Variants in ADGRB3 observed in about 807,000 individuals in gnomAD.
ADGRB3 encodes brain-specific angiogenesis inhibitor 3.
A neutral mutation model predicts 193.4 loss-of-function variants in ADGRB3; 37 were observed. That is an observed-to-expected ratio of 0.19 (90% CI 0.15 to 0.25). The LOEUF is 0.25. ADGRB3 is among the 10% of genes least tolerant of loss of function. The pLI, the probability that ADGRB3 is intolerant of heterozygous loss-of-function variation, is 1.00. For synonymous variants in ADGRB3, 690 were observed against 644.2 expected (o/e 1.07, Z -1.08); for missense variants, 1,637 against 1,852.9 (o/e 0.88, Z 2.14).
At chr6:68,642,943 G>A (rs1768115141) in intron 3 of ADGRB3, among the ~76,000 whole-genome samples, 1 of 152,100 alleles carries the variant, frequency 6.6e-6, no homozygotes, top group South Asian at 2.1e-4. Context: ...TTTTGCTGAA[G>A]ATAATTCTGG....
intron 17 of ADGRB3, among the ~76,000 whole-genome samples, chr6:69,130,490 G>A (rs915752115): frequency 2.7e-5 from 4 of 149,842 alleles, no homozygotes; most frequent in Non-Finnish European, 5.9e-5. Flanking sequence ...GAAAGAGGAG[G>A]ATGCTATTTT....
At chr6:69,087,487 A>G (rs894468623) in intron 17 of ADGRB3, among the ~76,000 whole-genome samples, 1 of 152,094 alleles carries the variant, frequency 6.6e-6, no homozygotes, top group African/African-American at 2.4e-5. Context: ...CTCTCATATA[A>G]AAGACCCCAA....
chr6:68,987,822 G>A (rs183481329), intron 10 of ADGRB3, among the ~76,000 whole-genome samples: 184 of 152,166 alleles, frequency 1.2e-3, no homozygotes, highest in Middle Eastern at 0.01. Context: ...TCATGCTTGC[G>A]ATATAATCAG....
chr6:69,137,013 CT>C (rs1291573553), intron 17 of ADGRB3, among the ~76,000 whole-genome samples: 1 of 149,668 alleles, frequency 6.7e-6, no homozygotes, highest in East Asian at 2.0e-4. Flanking sequence ...TATCTTTTTA[CT>C]TCTCATCCCA....
At chr6:69,378,782 G>A (rs980690313) in intron 30 of ADGRB3, among the ~76,000 whole-genome samples, 2 of 151,982 alleles carry the variant, frequency 1.3e-5, no homozygotes, top group Non-Finnish European at 2.9e-5. Context: ...CATATTCCAA[G>A]TATTTTAAAT....
At chr6:68,794,043 G>A (rs1472300147) in intron 3 of ADGRB3, among the ~76,000 whole-genome samples, 1 of 152,068 alleles carries the variant, frequency 6.6e-6, no homozygotes, top group African/African-American at 2.4e-5. Flanking sequence ...AACTCTAAAT[G>A]TTAAAAATTT....
chr6:68,721,623 A>AT (rs1765581240), intron 3 of ADGRB3, among the ~76,000 whole-genome samples: 1 of 63,366 alleles, frequency 1.6e-5, no homozygotes, highest in African/African-American at 7.1e-5. Context: ...CTTAAAGTAT[A>AT]ATAAATATAT....
At chr6:69,053,634 A>G (rs546489719) in intron 15 of ADGRB3, among the ~76,000 whole-genome samples, 1 of 152,216 alleles carries the variant, frequency 6.6e-6, no homozygotes, top group Non-Finnish European at 1.5e-5. Flanking sequence ...TGTCCAGCCC[A>G]GTTCAGAGGG....
intron 13 of ADGRB3, among the ~76,000 whole-genome samples, chr6:69,030,626 G>A (rs934929475): frequency 3.9e-5 from 6 of 152,130 alleles, no homozygotes; most frequent in Non-Finnish European, 7.3e-5. Flanking sequence ...GGGAGTGGGG[G>A]GCTAGGGGAG....
At chr6:68,663,340 G>A (rs1377381259) in intron 3 of ADGRB3, among the ~76,000 whole-genome samples, 1 of 151,506 alleles carries the variant, frequency 6.6e-6, no homozygotes, top group African/African-American at 2.4e-5. Flanking sequence ...TTAAAAATGT[G>A]TGATTTACCA....
At chr6:68,684,201 C>G (rs1371391391) in intron 3 of ADGRB3, among the ~76,000 whole-genome samples, 1 of 152,160 alleles carries the variant, frequency 6.6e-6, no homozygotes, top group Non-Finnish European at 1.5e-5. Context: ...CTTGATAGCT[C>G]TCATGTCTGC....
rs1476179988 is a variant in ADGRB3 at position 69,360,977 on chromosome 6, T to G, written c.3704T>G (p.Leu1235Arg). 6.2e-6 allele frequency: 10 copies of G among 1,612,810 alleles called. No individual in the cohort carries two copies. The highest frequency in any genetic ancestry group is 8.5e-6 in the Non-Finnish European group (10 of 1,179,200). ...EEEKGTNPEG[L>R]SYSTLPGNVI... is the part of the protein sequence containing the mutation. ...GAAAAGGGAACAAACCCTGAAGGGC[T>G]AAGCTATTCAACATTGCCTGGAAAT... The change falls in exon 29 of 32, where the codon CTA (leucine) becomes CGA (arginine). Residue 1235 changes from leucine (L) to arginine (R), a missense_variant. By Grantham distance (102) the Leu-to-Arg change is moderately radical. Coordinates refer to ENST00000370598, the MANE Select transcript of ADGRB3 (RefSeq NM_001704.3).
Position 68,639,184 on chromosome 6 carries a change from T to C in ADGRB3, c.509T>C (p.Val170Ala), listed in dbSNP as rs912602085. 7 of 1,614,210 alleles carry C rather than the reference T, an allele frequency of 4.3e-6. No homozygotes were observed. Among genetic ancestry groups the C allele is most frequent in the Non-Finnish European group, 5.9e-6 (7 of 1,180,038 alleles). ...KVSPSQFGCH[V>A]LCTWLESCLK... Reference sequence around the variant, plus strand: ...AGCCCAAGCCAGTTTGGTTGCCATGTATTATGTACTTGGTTGGAGAGCTGC... The same window carrying C: ...AGCCCAAGCCAGTTTGGTTGCCATGCATTATGTACTTGGTTGGAGAGCTGC... Residue 170 changes from valine (V) to alanine (A), a missense_variant, in exon 3 of 32, where the codon GTA becomes GCA. Physicochemically the swap from Val to Ala is moderately conservative, Grantham distance 64 (BLOSUM62 0). Around this residue, in one of 7 missense-constraint regions of ADGRB3, gnomAD observed 365 missense variants for 409.8 expected, o/e 0.89. Transcript: ENST00000370598.
At chr6:69,066,770 T>A (rs904062295) in intron 16 of ADGRB3, among the ~76,000 whole-genome samples, 1 of 152,056 alleles carries the variant, frequency 6.6e-6, no homozygotes, top group Non-Finnish European at 1.5e-5. Flanking sequence ...CAAAAATTTG[T>A]TTTTTATATC....
At chr6:69,028,274 G>T (rs1262056534) in intron 13 of ADGRB3, among the ~76,000 whole-genome samples, 1 of 152,110 alleles carries the variant, frequency 6.6e-6, no homozygotes, top group Non-Finnish European at 1.5e-5. Flanking sequence ...AACTCTTAAG[G>T]CTCAACCAAG....
intron 17 of ADGRB3, among the ~76,000 whole-genome samples, chr6:69,142,536 G>T (rs1380579883): frequency 2.0e-5 from 3 of 152,148 alleles, no homozygotes; most frequent in Non-Finnish European, 4.4e-5. Context: ...ACCCTGACCA[G>T]CTGTCTTGCA....
rs747355273 is a variant in ADGRB3 at position 68,936,530 on chromosome 6, G to A, written c.880G>A (p.Val294Met). The change falls in exon 5 of 32, where the codon GTG becomes ATG. Residue 294 changes from valine (V) to methionine (M), a missense_variant. By Grantham distance (21) the Val-to-Met change is conservative. Coordinates refer to ENST00000370598, the MANE Select transcript of ADGRB3 (RefSeq NM_001704.3). ...TGTCTTGCACGCAGGTGAATCTGGTGTGGAAGAGTGGTCCCAGTGGAGCAC... is the reference window on the plus strand; with the variant it reads ...TGTCTTGCACGCAGGTGAATCTGGTATGGAAGAGTGGTCCCAGTGGAGCAC... The part of the protein sequence containing the change: ...KFMAQTGESG[V>M]EEWSQWSTCS... The A allele has an allele frequency of 6.8e-6, 11 of 1,613,970 alleles. No homozygotes were observed. The highest frequency in any genetic ancestry group is 1.3e-5 in the African/African-American group (1 of 75,050).
chr6:68,868,194 T>TG (rs1199388478), intron 3 of ADGRB3, among the ~76,000 whole-genome samples: 2 of 152,280 alleles, frequency 1.3e-5, no homozygotes, highest in East Asian at 1.9e-4. Flanking sequence ...GACTGGATCA[T>TG]GGGGGAGGTT....
At chr6:68,821,915 G>T (rs957519725) in intron 3 of ADGRB3, among the ~76,000 whole-genome samples, 4 of 151,904 alleles carry the variant, frequency 2.6e-5, no homozygotes, top group Non-Finnish European at 5.9e-5. Flanking sequence ...TATTCAGAAG[G>T]ATATTAATTC....
Sources: allele counts gnomAD v4.1 joint callset (sites outside exome capture counted in the v4.1 genomes callset), GRCh38; gene constraint gnomAD v4.1.1; regional missense constraint gnomAD v4.1.1; transcripts MANE v1.5; gene names NCBI Gene and HGNC (gene_info 2026-07-23, HGNC 2026-07-21).